Variants in CYP39A1 observed in about 807,000 individuals in gnomAD.
CYP39A1 encodes the protein cytochrome P450 family 39 subfamily A member 1.
A neutral mutation model predicts 58.1 loss-of-function variants in CYP39A1; 49 were observed. That is an observed-to-expected ratio of 0.84 (90% confidence interval 0.67 to 1.07). CYP39A1 has a LOEUF of 1.07. CYP39A1 is among the 50% of genes least tolerant of loss of function. The pLI is 0.00. For missense variants in CYP39A1, 531 were observed against 539.4 expected (o/e 0.98, Z 0.16); for synonymous variants, 209 against 187.6 (o/e 1.11, Z -0.93).
intron 5 of CYP39A1, among the ~76,000 whole-genome samples, chr6:46,635,464 G>A (rs1007120900): frequency 6.6e-6 from 1 of 152,196 alleles, no homozygotes; most frequent in African/African-American, 2.4e-5. Context: ...TCTAATGAGA[G>A]GCAGAGGTGA....
chr6:46,586,484 A>G, intron 10 of CYP39A1: 16 of 983,662 alleles, frequency 1.6e-5, no homozygotes, highest in Non-Finnish European at 1.9e-5. Flanking sequence ...AGATGTTCAA[A>G]AACCTTTTCT....
chr6:46,619,232 T>G (rs543836886), intron 7 of CYP39A1, among the ~76,000 whole-genome samples: 1 of 152,146 alleles, frequency 6.6e-6, no homozygotes, highest in Non-Finnish European at 1.5e-5. Flanking sequence ...AATGGGATGG[T>G]TGATAGAGCT....
chr6:46,600,159 C>T lies in CYP39A1; in HGVS notation c.932-4039G>A, dbSNP rs142970684. Among the ~76,000 whole-genome samples, 672 of 151,704 alleles carry T rather than the reference C, an allele frequency of 4.4e-3. 5 individuals are homozygous for T. The highest frequency in any genetic ancestry group is 0.015 in the African/African-American group (631 of 41,350). The stretch of plus-strand genomic sequence containing the variant: ...TTTTCTTTTTTTTGACATGGAGACT[C>T]GCTCTGTTACCCAAGTTGGAGTGCA... On this transcript the variant is annotated intron_variant, in intron 7 of 11. Transcript: ENST00000275016.
chr6:46,649,711 G>C (rs1278611273), intron 1 of CYP39A1, among the ~76,000 whole-genome samples: 1 of 152,222 alleles, frequency 6.6e-6, no homozygotes, highest in Non-Finnish European at 1.5e-5. Flanking sequence ...ATGAATTACA[G>C]TTGCCAAGGT....
chr6:46,641,044 T>C (rs1216826063), intron 2 of CYP39A1, among the ~76,000 whole-genome samples: 2 of 152,022 alleles, frequency 1.3e-5, no homozygotes, highest in Non-Finnish European at 2.9e-5. Context: ...TATAGTAGCA[T>C]ACATCTACTA....
intron 10 of CYP39A1, among the ~76,000 whole-genome samples, chr6:46,564,075 G>A (rs1291917543): frequency 6.8e-6 from 1 of 147,946 alleles, no homozygotes; most frequent in Non-Finnish European, 1.5e-5. Context: ...TGAGGTGAAG[G>A]AGACCTAGTT....
intron 7 of CYP39A1, among the ~76,000 whole-genome samples, chr6:46,614,533 G>A (rs1287333076): frequency 2.0e-5 from 3 of 152,134 alleles, no homozygotes; most frequent in Non-Finnish European, 4.4e-5. Context: ...CTGGATAGAT[G>A]TGTCTTTTCT....
chr6:46,634,629 C>T (rs1775866939), intron 5 of CYP39A1, among the ~76,000 whole-genome samples: 1 of 149,336 alleles, frequency 6.7e-6, no homozygotes, highest in Non-Finnish European at 1.5e-5. Context: ...TCAAGCAATT[C>T]TCCTGCCTCA....
At chr6:46,607,597 TA>T (rs2150543948) in intron 7 of CYP39A1, among the ~76,000 whole-genome samples, 1 of 152,150 alleles carries the variant, frequency 6.6e-6, no homozygotes, top group African/African-American at 2.4e-5. Flanking sequence ...TTTGGGGAAA[TA>T]ATCCATGTTT....
chr6:46,567,849 G>A (rs1006855126), intron 10 of CYP39A1, among the ~76,000 whole-genome samples: 1 of 152,114 alleles, frequency 6.6e-6, no homozygotes, highest in Non-Finnish European at 1.5e-5. Context: ...ATTGTTTTGA[G>A]AGAAAGTTCA....
In CYP39A1 at chr6:46,612,938, A is replaced by T. The variant is rs1280923761; in HGVS notation, c.931+12480T>A. ...CAATATGCCATGATGGAGTCCTCCA[A>T]GAAGGTTGTTATTGGTTGGCAAGAT... is the stretch of plus-strand genomic sequence containing the variant. On this transcript the variant is annotated intron_variant, in intron 7 of 11. Transcript: ENST00000275016. Among the ~76,000 whole-genome samples the T allele has an allele frequency of 2.0e-5, 3 of 152,354 alleles. No homozygotes were observed. In the East Asian group the frequency reaches 5.8e-4, roughly 29 times the overall value.
intron 10 of CYP39A1, among the ~76,000 whole-genome samples, chr6:46,566,073 G>A (rs1358170306): frequency 6.6e-6 from 1 of 152,122 alleles, no homozygotes; most frequent in South Asian, 2.1e-4. Context: ...AGCCCTTCTC[G>A]ATTTGACATA....
chr6:46,636,625 T>A, intron 4 of CYP39A1, 143 bp from the exon 5 acceptor site: 1 of 616,798 alleles, frequency 1.6e-6, no homozygotes. Context: ...TCATGGAAGG[T>A]CTACCTTCGG....
intron 7 of CYP39A1, among the ~76,000 whole-genome samples, chr6:46,597,015 A>C (rs1773209510): frequency 6.6e-6 from 1 of 152,156 alleles, no homozygotes; most frequent in Non-Finnish European, 1.5e-5. Context: ...GGGTAAGAGT[A>C]GAACTAGGGT....
chr6:46,573,563 C>G (rs1297858948), intron 10 of CYP39A1, among the ~76,000 whole-genome samples: 1 of 152,174 alleles, frequency 6.6e-6, no homozygotes, highest in African/African-American at 2.4e-5. Context: ...AAGGGATCCT[C>G]TTGGTGCTGA....
rs2150547134 is a variant in CYP39A1 at position 46,609,449 on chromosome 6, G to C, written c.932-13329C>G. 1.3e-5 allele frequency among the ~76,000 whole-genome samples: 2 copies of C among 151,756 alleles called. 1 individual carries two copies. The highest frequency in any genetic ancestry group is 4.2e-4 in the South Asian group (2 of 4,800). On this transcript the variant is annotated intron_variant, in intron 7 of 11. Coordinates refer to ENST00000275016, the MANE Select transcript of CYP39A1 (RefSeq NM_016593.5). Reference sequence around the variant, plus strand: ...AAAAAAGAAAAAAAAGAAATTTATTGGGTACCTAAAATCAGTAGACAGTAA... The same window carrying C: ...AAAAAAGAAAAAAAAGAAATTTATTCGGTACCTAAAATCAGTAGACAGTAA...
At chr6:46,644,866 T>A (rs982914815) in intron 1 of CYP39A1, among the ~76,000 whole-genome samples, 1 of 152,220 alleles carries the variant, frequency 6.6e-6, no homozygotes, top group African/African-American at 2.4e-5. Flanking sequence ...CTCATGATTT[T>A]AATTTGCATA....
At chr6:46,563,927 C>G (rs752760713) in intron 10 of CYP39A1, among the ~76,000 whole-genome samples, 2 of 151,692 alleles carry the variant, frequency 1.3e-5, no homozygotes, top group African/African-American at 4.8e-5. Flanking sequence ...GGTAGTGGCA[C>G]CAGAATCTCA....
chr6:46,599,281 G>T (rs557692876), intron 7 of CYP39A1, among the ~76,000 whole-genome samples: 1 of 152,224 alleles, frequency 6.6e-6, no homozygotes, highest in Admixed American at 6.5e-5. Flanking sequence ...TGTGCAACTC[G>T]CTATAGGAGC....
Sources: allele counts gnomAD v4.1 joint callset (sites outside exome capture counted in the v4.1 genomes callset), GRCh38; gene constraint gnomAD v4.1.1; transcripts MANE v1.5; gene names NCBI Gene and HGNC (gene_info 2026-07-23, HGNC 2026-07-21).